Variants in ZFAT observed in about 807,000 individuals in gnomAD.
The protein encoded by ZFAT is zinc finger protein ZFAT.
Under a neutral mutation model 117.7 loss-of-function variants are expected in ZFAT, and 64 were observed. The ratio of observed to expected loss-of-function variants is 0.54; its 90% CI spans 0.44 to 0.67. The LOEUF (loss-of-function observed/expected upper bound fraction) is 0.67. ZFAT is among the 30% of genes least tolerant of loss of function. ZFAT has a pLI of 0.00. For synonymous variants in ZFAT, 679 were observed against 615.0 expected, an observed-to-expected ratio of 1.10 and a Z score of -1.54; for missense variants, 1,433 against 1,584.5, an observed-to-expected ratio of 0.90 and a Z score of 1.62.
chr8:134,502,738 G>A (rs896791082), intron 15 of ZFAT, among the ~76,000 whole-genome samples: 3 of 152,218 alleles, frequency 2.0e-5, no homozygotes, highest in Non-Finnish European at 4.4e-5. Flanking sequence ...TTGATCAGTG[G>A]TTAAAGCATG....
intron 11 of ZFAT, among the ~76,000 whole-genome samples, chr8:134,553,925 T>C (rs910392990): frequency 3.3e-5 from 5 of 152,208 alleles, no homozygotes; most frequent in Non-Finnish European, 5.9e-5. Flanking sequence ...AAGGAAGGTC[T>C]TGTGCTGTAG....
At chr8:134,746,211 T>C in the ZFAT span, among the ~76,000 whole-genome samples, 1 of 152,210 alleles carries the variant, frequency 6.6e-6, no homozygotes. Context: ...TAACAGCAGC[T>C]CTCATGTTCT....
At chr8:134,567,288 C>T (rs1018050293) in intron 10 of ZFAT, among the ~76,000 whole-genome samples, 3 of 151,780 alleles carry the variant, frequency 2.0e-5, no homozygotes, top group African/African-American at 7.3e-5. Flanking sequence ...AACTTACACT[C>T]ACCTCATTTT....
At chr8:134,752,638 T>C in the ZFAT span, among the ~76,000 whole-genome samples, 1 of 152,052 alleles carries the variant, frequency 6.6e-6, no homozygotes, top group South Asian at 2.1e-4. Flanking sequence ...CAAAAGACAT[T>C]TATTTCCCAC....
intron 11 of ZFAT, among the ~76,000 whole-genome samples, chr8:134,563,318 C>T (rs1824182840): frequency 6.6e-6 from 1 of 152,166 alleles, no homozygotes; most frequent in Admixed American, 6.5e-5. Context: ...TTTCTGCCCC[C>T]AACAAGTAAC....
intron 15 of ZFAT, among the ~76,000 whole-genome samples, chr8:134,508,963 T>C (rs568071134): frequency 2.0e-5 from 3 of 152,230 alleles, no homozygotes; most frequent in Non-Finnish European, 4.4e-5. Flanking sequence ...TAAAATCTTT[T>C]GTAAAATGAA....
At chr8:134,805,912 G>A in the ZFAT span, among the ~76,000 whole-genome samples, 2 of 152,134 alleles carry the variant, frequency 1.3e-5, no homozygotes, top group African/African-American at 2.4e-5. Context: ...GGGAGGTGGA[G>A]GCTGCAGTGA....
rs118057694 is a variant in ZFAT at position 134,546,556 on chromosome 8, T to C, written c.2977-13584A>G. On this transcript the variant is annotated intron_variant, in intron 11 of 15. Coordinates refer to ENST00000377838, the MANE Select transcript of ZFAT (RefSeq NM_020863.4). ...TTCTGAGACTTAGAAAGCAATTTCA[T>C]CTAATCAGAGCCCGTAAAGGATGAA... 8.5e-5 allele frequency among the ~76,000 whole-genome samples: 13 copies of C among 152,306 alleles called. No homozygotes were observed. In the East Asian group the frequency reaches 2.5e-3, roughly 29 times the overall value.
At chr8:134,491,573 G>T (rs1171232143) in intron 15 of ZFAT, among the ~76,000 whole-genome samples, 2 of 152,222 alleles carry the variant, frequency 1.3e-5, no homozygotes, top group East Asian at 3.8e-4. Context: ...CTTTAAGAGA[G>T]AATCCACTTT....
chr8:134,491,792 A>C (rs1353890687), intron 15 of ZFAT, among the ~76,000 whole-genome samples: 1 of 152,238 alleles, frequency 6.6e-6, no homozygotes, highest in East Asian at 1.9e-4. Flanking sequence ...TCTTGGATTC[A>C]GCTAATTAGC....
intron 1 of ZFAT, among the ~76,000 whole-genome samples, chr8:134,704,584 C>A (rs1345666266): frequency 1.3e-5 from 2 of 152,192 alleles, no homozygotes; most frequent in African/African-American, 4.8e-5. Context: ...AAAAAGTGTT[C>A]TCTTGCTTAT....
intron 1 of ZFAT, among the ~76,000 whole-genome samples, chr8:134,683,528 G>A (rs1214856253): frequency 6.6e-6 from 1 of 152,234 alleles, no homozygotes; most frequent in Admixed American, 6.5e-5. Flanking sequence ...GCTCCAGGAG[G>A]TGGCCAGACA....
At chr8:134,527,617 G>A (rs1038921352) in intron 12 of ZFAT, among the ~76,000 whole-genome samples, 4 of 152,226 alleles carry the variant, frequency 2.6e-5, no homozygotes, top group African/African-American at 9.6e-5. Flanking sequence ...GAAGTCACAT[G>A]CAAGCACTGA....
the ZFAT span, among the ~76,000 whole-genome samples, chr8:134,781,590 T>C: frequency 1.3e-5 from 2 of 152,166 alleles, no homozygotes; most frequent in Non-Finnish European, 2.9e-5. Flanking sequence ...AAAATACCAA[T>C]TGGTTACAGT....
chr8:134,563,885 G>C (rs367621799), intron 11 of ZFAT, among the ~76,000 whole-genome samples: 1 of 152,136 alleles, frequency 6.6e-6, no homozygotes, highest in Non-Finnish European at 1.5e-5. Context: ...CCAGCTGCAG[G>C]ATTTCCCAGC....
intron 1 of ZFAT, among the ~76,000 whole-genome samples, chr8:134,672,684 TATC>T (rs1445492758): frequency 2.0e-5 from 3 of 152,218 alleles, no homozygotes; most frequent in Non-Finnish European, 4.4e-5. Context: ...ACAGCAGATT[TATC>T]ATCATATACA....
At chr8:134,617,006 C>G (rs1018224255) in intron 3 of ZFAT, among the ~76,000 whole-genome samples, 9 of 152,188 alleles carry the variant, frequency 5.9e-5, no homozygotes, top group Admixed American at 4.6e-4. Context: ...CCTTCTCTGC[C>G]TTTTGAAAAC....
At chr8:134,555,071 A>C (rs1563842740) in intron 11 of ZFAT, among the ~76,000 whole-genome samples, 1 of 152,350 alleles carries the variant, frequency 6.6e-6, no homozygotes, top group African/African-American at 2.4e-5. Context: ...TAGTAAAAGA[A>C]TACAAAGCAA....
chr8:134,712,804 C>T, intron 1 of ZFAT, 41 bp downstream of exon 1: 1 of 937,520 alleles, frequency 1.1e-6, no homozygotes, highest in Non-Finnish European at 1.6e-6. Flanking sequence ...CGCCGCGCCC[C>T]ACCCCCACCC....
Sources: gnomAD v4.1 joint callset for allele counts (sites outside exome capture counted in the v4.1 genomes callset) on GRCh38, gnomAD v4.1.1 for gene constraint, MANE v1.5 for transcripts, NCBI Gene and HGNC (gene_info 2026-07-23, HGNC 2026-07-21) for gene names.